BICD1: variants seen among roughly 807,000 people sequenced by gnomAD.
BICD1 encodes the protein BICD cargo adaptor 1.
In BICD1, 35 loss-of-function variants were observed where a neutral mutation model predicts 92.5. The observed-to-expected ratio is 0.38, with a 90% confidence interval of 0.29 to 0.50. The LOEUF (loss-of-function observed/expected upper bound fraction) is 0.50, where lower values mean the gene tolerates loss of function less well. Among genes scored for constraint, BICD1 ranks in the 20% least tolerant of loss-of-function variants. BICD1 has a pLI of 0.93. For missense variants in BICD1, 950 were observed against 1,189.8 expected (o/e 0.80, Z 2.97); for synonymous variants, 429 against 465.1 (o/e 0.92, Z 1.00).
At chr12:32,150,149 T>G (rs1042995491) in intron 1 of BICD1, among the ~76,000 whole-genome samples, 1 of 152,154 alleles carries the variant, frequency 6.6e-6, no homozygotes, top group Admixed American at 6.6e-5. Context: ...ATGATTCAAT[T>G]ACCTTCCACC....
chr12:32,345,276 GAA>G (rs1219058654), intron 8 of BICD1, among the ~76,000 whole-genome samples: 4 of 83,242 alleles, frequency 4.8e-5, no homozygotes, highest in Non-Finnish European at 5.2e-5. Flanking sequence ...CCCTGTCTCA[GAA>G]AAAAAAAAAA....
intron 2 of BICD1, among the ~76,000 whole-genome samples, chr12:32,275,862 G>A (rs1005853425): frequency 6.6e-6 from 1 of 152,126 alleles, no homozygotes; most frequent in Non-Finnish European, 1.5e-5. Context: ...GGGTTCCACG[G>A]TTCTCTTCCA....
chr12:32,336,066 C>G (rs1289945960), intron 6 of BICD1, among the ~76,000 whole-genome samples: 1 of 152,160 alleles, frequency 6.6e-6, no homozygotes. Context: ...ACTGAGATCA[C>G]ACCACTGTAC....
At chr12:32,287,055 G>T (rs1947589267) in intron 2 of BICD1, among the ~76,000 whole-genome samples, 1 of 152,104 alleles carries the variant, frequency 6.6e-6, no homozygotes, top group Non-Finnish European at 1.5e-5. Flanking sequence ...TCCCTGAGGA[G>T]ATGACATCTG....
rs1410956694 is a variant in BICD1 at position 32,313,328 on chromosome 12, G to A, written c.1005+7206G>A. Reference sequence around the variant, plus strand: ...AAGTGGTGATGGTAATTTGCTATATGTCCCATAAGAGTTCAAAGCAATTTT... The same window carrying A: ...AAGTGGTGATGGTAATTTGCTATATATCCCATAAGAGTTCAAAGCAATTTT... On this transcript the variant is annotated intron_variant, in intron 4 of 9. Transcript: ENST00000652176. The surrounding 1 kb of genome is among the most constrained non-coding windows in gnomAD (Gnocchi z 4.2). Among the ~76,000 whole-genome samples the A allele has an allele frequency of 2.6e-5, 4 of 152,084 alleles. No individual in the cohort carries two copies. Among genetic ancestry groups the A allele is most frequent in the Admixed American group, 2.6e-4 (4 of 15,260 alleles).
intron 1 of BICD1, among the ~76,000 whole-genome samples, chr12:32,150,999 C>T (rs1029930921): frequency 1.3e-5 from 2 of 152,034 alleles, no homozygotes; most frequent in African/African-American, 4.8e-5. Flanking sequence ...TGTATTTCAG[C>T]AAATACTTGA....
In BICD1 at chr12:32,327,625, G is replaced by A. The variant is rs774370705; in HGVS notation, c.1170G>A (p.Glu390=). 1.9e-6 allele frequency: 3 copies of A among 1,614,010 alleles called. No individual in the cohort carries two copies. The East Asian group carries it at 6.7e-5, about 36-fold the overall frequency. Residue 390 remains glutamate, a synonymous_variant, in exon 5 of 10, where the codon GAG becomes GAA. Coordinates refer to ENST00000652176, the MANE Select transcript of BICD1 (RefSeq NM_001714.4). The part of the protein sequence containing the change: ...GLQSSKELKA[E]LDGEKGRDSG... ...AAAGCAGCAAGGAGCTCAAGGCTGA[G>A]CTGGACGGGGAGAAGGGCCGGGACT...
intron 9 of BICD1, among the ~76,000 whole-genome samples, chr12:32,376,634 G>A (rs1026591780): frequency 3.3e-5 from 5 of 151,968 alleles, no homozygotes; most frequent in South Asian, 2.1e-4. Context: ...TGGGGAGGCC[G>A]AGGCAGGTGG....
intron 4 of BICD1, among the ~76,000 whole-genome samples, chr12:32,310,998 G>C (rs1318092973): frequency 6.6e-6 from 1 of 151,854 alleles, no homozygotes; most frequent in African/African-American, 2.4e-5. Context: ...ATTTAACCTG[G>C]TTCCAGGAAA....
At chr12:32,248,095 AC>A (rs201660892) in intron 2 of BICD1, among the ~76,000 whole-genome samples, 88 of 151,976 alleles carry the variant, frequency 5.8e-4, no homozygotes, top group African/African-American at 2.0e-3. Context: ...AAACAAACAA[AC>A]AAAAAAAACA....
chr12:32,266,601 A>G (rs951232520), intron 2 of BICD1, among the ~76,000 whole-genome samples: 3 of 152,206 alleles, frequency 2.0e-5, no homozygotes, highest in African/African-American at 7.2e-5. Context: ...ATTTAGAATG[A>G]GCCCCAGCAC....
intron 2 of BICD1, among the ~76,000 whole-genome samples, chr12:32,231,201 G>A (rs1945875762): frequency 6.6e-6 from 1 of 152,098 alleles, no homozygotes; most frequent in Non-Finnish European, 1.5e-5. Context: ...AGCGTATTTA[G>A]GCTGAGCATG....
At chr12:32,281,822 A>T (rs1387483662) in intron 2 of BICD1, among the ~76,000 whole-genome samples, 2 of 152,060 alleles carry the variant, frequency 1.3e-5, no homozygotes, top group African/African-American at 4.8e-5. Flanking sequence ...CACCAATCCA[A>T]TCCAGGCTGG....
intron 1 of BICD1, among the ~76,000 whole-genome samples, chr12:32,109,901 G>A (rs1227080002): frequency 1.3e-5 from 2 of 152,056 alleles, no homozygotes; most frequent in Non-Finnish European, 2.9e-5. Context: ...AAAATATTTT[G>A]TGAGTGTTTT....
At chr12:32,143,137 G>A (rs1003526368) in intron 1 of BICD1, among the ~76,000 whole-genome samples, 2 of 152,010 alleles carry the variant, frequency 1.3e-5, no homozygotes, top group African/African-American at 2.4e-5. Context: ...CATCCTGTGG[G>A]AAATATACCA....
intron 1 of BICD1, among the ~76,000 whole-genome samples, chr12:32,148,351 C>T (rs1943181491): frequency 6.6e-6 from 1 of 152,116 alleles, no homozygotes; most frequent in African/African-American, 2.4e-5. Flanking sequence ...GCAACAGGCA[C>T]CCGGTAAACT....
chr12:32,287,057 T>G (rs928380940), intron 2 of BICD1, among the ~76,000 whole-genome samples: 6 of 152,152 alleles, frequency 3.9e-5, no homozygotes, highest in Non-Finnish European at 8.8e-5. Flanking sequence ...CCTGAGGAGA[T>G]GACATCTGAA....
intron 5 of BICD1, among the ~76,000 whole-genome samples, chr12:32,333,711 G>T (rs979513588): frequency 1.3e-5 from 2 of 152,160 alleles, no homozygotes; most frequent in East Asian, 3.8e-4. Context: ...CAATCCCTAA[G>T]TATACACTGA....
intron 2 of BICD1, among the ~76,000 whole-genome samples, chr12:32,253,982 T>G (rs1249811740): frequency 1.3e-5 from 2 of 150,742 alleles, no homozygotes; most frequent in Non-Finnish European, 2.9e-5. Context: ...ATCACTGCCG[T>G]ATCCCACCTG....
Sources: gnomAD v4.1 joint callset for allele counts (sites outside exome capture counted in the v4.1 genomes callset) on GRCh38, gnomAD v4.1.1 for gene constraint, Gnocchi (gnomAD v3.1) non-coding constraint, MANE v1.5 for transcripts, NCBI Gene and HGNC (gene_info 2026-07-23, HGNC 2026-07-21) for gene names.